RABGAP1L: variants seen among roughly 807,000 people sequenced by gnomAD.
RABGAP1L encodes rab GTPase-activating protein 1-like.
A neutral mutation model predicts 137.7 loss-of-function variants in RABGAP1L; 63 were observed. That is an observed-to-expected ratio of 0.46 (90% CI 0.37 to 0.56). The LOEUF (loss-of-function observed/expected upper bound fraction) is 0.56, where lower values mean the gene tolerates loss of function less well. Ranked by LOEUF, RABGAP1L falls within the 20% of genes least tolerant of loss-of-function variation. RABGAP1L has a pLI of 0.00. For missense variants in RABGAP1L, 1,095 were observed against 1,244.0 expected (o/e 0.88, Z 1.80); for synonymous variants, 431 against 433.7 (o/e 0.99, Z 0.08).
At chr1:174,437,692 A>G (rs1490506365) in intron 13 of RABGAP1L, among the ~76,000 whole-genome samples, 1 of 152,212 alleles carries the variant, frequency 6.6e-6, no homozygotes, top group Non-Finnish European at 1.5e-5. Context: ...AGGCAGACCA[A>G]CATTCAAATT....
At chr1:174,807,093 G>A (rs1282699794) in intron 18 of RABGAP1L, among the ~76,000 whole-genome samples, 1 of 152,078 alleles carries the variant, frequency 6.6e-6, no homozygotes, top group Non-Finnish European at 1.5e-5. Flanking sequence ...GGCCTGTAAA[G>A]CATATATATT....
intron 14 of RABGAP1L, among the ~76,000 whole-genome samples, chr1:174,651,683 G>T (rs1012194373): frequency 1.3e-5 from 2 of 151,962 alleles, no homozygotes; most frequent in African/African-American, 4.8e-5. Context: ...TTTTCCATTT[G>T]CTTGGTAGAT....
chr1:174,585,448 A>G (rs1033439497), intron 13 of RABGAP1L, among the ~76,000 whole-genome samples: 16 of 152,288 alleles, frequency 1.1e-4, no homozygotes, highest in Middle Eastern at 3.4e-3. Flanking sequence ...GTTTTCCCCA[A>G]TTGGAAGTGA....
intron 10 of RABGAP1L, among the ~76,000 whole-genome samples, chr1:174,297,988 G>T (rs1237612223): frequency 6.6e-6 from 1 of 152,136 alleles, no homozygotes; most frequent in Non-Finnish European, 1.5e-5. Flanking sequence ...GCATCCGAGG[G>T]ACGTGTCCCA....
At chr1:174,443,008 T>C (rs1000960877) in intron 13 of RABGAP1L, among the ~76,000 whole-genome samples, 6 of 152,184 alleles carry the variant, frequency 3.9e-5, no homozygotes, top group African/African-American at 1.4e-4. Context: ...CTGAACATAA[T>C]GTCCTCCAGT....
At chr1:174,964,857 G>A in intron 20 of RABGAP1L, 1 of 1,438,806 alleles carries the variant, frequency 7.0e-7, no homozygotes, top group Non-Finnish European at 9.1e-7. Context: ...GCATTAAGAA[G>A]TGTCTGTTTT....
At chr1:174,944,893 A>T (rs1162411866) in intron 19 of RABGAP1L, among the ~76,000 whole-genome samples, 2 of 152,234 alleles carry the variant, frequency 1.3e-5, no homozygotes, top group African/African-American at 4.8e-5. Flanking sequence ...ATAAATGTCT[A>T]CAGCCTTCTG....
chr1:174,287,858 TG>T (rs1340771808), intron 10 of RABGAP1L, among the ~76,000 whole-genome samples: 10 of 152,314 alleles, frequency 6.6e-5, no homozygotes, highest in African/African-American at 1.9e-4. Flanking sequence ...GACTTATTAT[TG>T]TCATTTTATT....
chr1:174,454,039 C>A (rs1259605818), intron 13 of RABGAP1L, among the ~76,000 whole-genome samples: 1 of 152,060 alleles, frequency 6.6e-6, no homozygotes, highest in African/African-American at 2.4e-5. Context: ...CCGAGGCGGG[C>A]AGATCACGAA....
intron 13 of RABGAP1L, among the ~76,000 whole-genome samples, chr1:174,553,726 C>T (rs947519579): frequency 1.3e-5 from 2 of 152,140 alleles, no homozygotes; most frequent in Non-Finnish European, 2.9e-5. Flanking sequence ...TAGGGTCAGG[C>T]GCAGTGGCTG....
At chr1:174,560,468 G>A (rs899474717) in intron 13 of RABGAP1L, among the ~76,000 whole-genome samples, 3 of 152,188 alleles carry the variant, frequency 2.0e-5, no homozygotes, top group Non-Finnish European at 2.9e-5. Context: ...CTGAGAATAG[G>A]GGCAGGGGAA....
At chr1:174,880,457 G>T (rs1653994567) in intron 19 of RABGAP1L, among the ~76,000 whole-genome samples, 1 of 144,162 alleles carries the variant, frequency 6.9e-6, no homozygotes. Flanking sequence ...AGGCAACATA[G>T]AGAGACCTCA....
At chr1:174,746,848 T>C (rs1262342411) in intron 17 of RABGAP1L, among the ~76,000 whole-genome samples, 2 of 152,224 alleles carry the variant, frequency 1.3e-5, no homozygotes, top group African/African-American at 4.8e-5. Flanking sequence ...GACATGCCTT[T>C]AATGTAATTA....
intron 17 of RABGAP1L, among the ~76,000 whole-genome samples, chr1:174,728,343 G>A (rs1011163246): frequency 6.6e-6 from 1 of 152,056 alleles, no homozygotes; most frequent in Non-Finnish European, 1.5e-5. Flanking sequence ...TTCAAGCTCG[G>A]AGCCAAATAA....
At chr1:174,307,966 C>A (rs1453329034) in intron 11 of RABGAP1L, among the ~76,000 whole-genome samples, 1 of 151,998 alleles carries the variant, frequency 6.6e-6, no homozygotes, top group Non-Finnish European at 1.5e-5. Flanking sequence ...TCTCCACATC[C>A]TTGGAAACAC....
chr1:174,510,242 T>C (rs1662205329), intron 13 of RABGAP1L, among the ~76,000 whole-genome samples: 1 of 152,244 alleles, frequency 6.6e-6, no homozygotes, highest in African/African-American at 2.4e-5. Context: ...AGATACGTTA[T>C]GTTATTTTCC....
At chr1:174,370,478 T>C (rs1388277022) in intron 11 of RABGAP1L, among the ~76,000 whole-genome samples, 2 of 147,964 alleles carry the variant, frequency 1.4e-5, no homozygotes, top group African/African-American at 2.5e-5. Flanking sequence ...TTTTTTTTTT[T>C]TTTTTTTTTA....
In RABGAP1L at chr1:174,536,291, T is replaced by TA. The variant is rs527615597; in HGVS notation, c.1711-101083dup. 1.1e-4 allele frequency among the ~76,000 whole-genome samples: 16 copies of TA among 152,034 alleles called. No homozygotes were observed. In the South Asian group the frequency reaches 3.3e-3, roughly 32 times the overall value. On this transcript the variant is annotated intron_variant, in intron 13 of 25. Transcript: ENST00000681986. ...TCCAAAGGACAGTTTGAAAGTGAAA[T>TA]ACTCCAAAGTAAAAGCAATTTTAAC...
At chr1:174,683,442 C>A in intron 14 of RABGAP1L, 80 bp from the exon 15 acceptor site, 1 of 1,148,176 alleles carries the variant, frequency 8.7e-7, no homozygotes. Context: ...CAGGAACAAG[C>A]AGGAGCCTGG....
Sources: gnomAD v4.1 joint callset for allele counts (sites outside exome capture counted in the v4.1 genomes callset) on GRCh38, gnomAD v4.1.1 for gene constraint, MANE v1.5 for transcripts, NCBI Gene and HGNC (gene_info 2026-07-23, HGNC 2026-07-21) for gene names.